The following UBXN2B variants were observed in gnomAD, a reference collection of about 807,000 sequenced individuals.
UBXN2B encodes the protein UBX domain protein 2B.
UBXN2B carries 19 observed loss-of-function variants against 37.5 expected under a neutral mutation model. The ratio of observed to expected loss-of-function variants is 0.51; its 90% CI spans 0.35 to 0.74. UBXN2B has a LOEUF of 0.74. Among genes scored for constraint, UBXN2B ranks in the 30% least tolerant of loss-of-function variants. The pLI is 0.01. For synonymous variants in UBXN2B, 145 were observed against 143.8 expected (o/e 1.01, Z -0.06); for missense variants, 370 against 393.2 (o/e 0.94, Z 0.50).
chr8:58,447,122 A>G (rs933977871), intron 7 of UBXN2B, among the ~76,000 whole-genome samples: 1 of 152,020 alleles, frequency 6.6e-6, no homozygotes, highest in Non-Finnish European at 1.5e-5. Flanking sequence ...TAAAATAACA[A>G]CATTAGTACA....
chr8:58,432,012 G>A (rs1017745583), intron 3 of UBXN2B, among the ~76,000 whole-genome samples: 1 of 152,128 alleles, frequency 6.6e-6, no homozygotes, highest in Non-Finnish European at 1.5e-5. Flanking sequence ...TACATGGTTT[G>A]TAAATATTTT....
chr8:58,432,956 A>T (rs190473357), intron 3 of UBXN2B, among the ~76,000 whole-genome samples: 52 of 152,316 alleles, frequency 3.4e-4, no homozygotes, highest in Admixed American at 7.8e-4. Flanking sequence ...AATGAAACTT[A>T]AATTTTGGTT....
At chr8:58,425,848 G>A in intron 2 of UBXN2B, 1 of 1,166,794 alleles carries the variant, frequency 8.6e-7, no homozygotes, top group Non-Finnish European at 1.3e-6. Flanking sequence ...GTTCCTGACA[G>A]CAAATCATAA....
At chr8:58,420,643 A>G (rs1475525392) in intron 2 of UBXN2B, among the ~76,000 whole-genome samples, 4 of 152,212 alleles carry the variant, frequency 2.6e-5, no homozygotes, top group Non-Finnish European at 4.4e-5. Flanking sequence ...AAGAATTACA[A>G]TTAGGTCACA....
chr8:58,424,687 CGGG>C (rs370686138), intron 2 of UBXN2B: 11 of 1,066,448 alleles, frequency 1.0e-5, no homozygotes, highest in East Asian at 2.7e-5. Flanking sequence ...GAGTACAAGG[CGGG>C]GGGGGGGGCT....
intron 2 of UBXN2B, among the ~76,000 whole-genome samples, chr8:58,424,177 C>A (rs1808010507): frequency 6.7e-6 from 1 of 150,006 alleles, no homozygotes; most frequent in South Asian, 2.1e-4. Context: ...ATCATTTCTT[C>A]TTATCCCCGA....
chr8:58,423,200 C>T (rs896166776), intron 2 of UBXN2B, among the ~76,000 whole-genome samples: 1 of 152,134 alleles, frequency 6.6e-6, no homozygotes, highest in African/African-American at 2.4e-5. Flanking sequence ...TGCTTTTGAG[C>T]TCTTGGGAGC....
chr8:58,443,642 A>C (rs1309304199), intron 6 of UBXN2B, among the ~76,000 whole-genome samples: 2 of 150,936 alleles, frequency 1.3e-5, no homozygotes, highest in African/African-American at 4.9e-5. Flanking sequence ...AAAATCCAAA[A>C]AAAAAAAAAA....
At chr8:58,428,592 T>C (rs756741413) in intron 2 of UBXN2B, among the ~76,000 whole-genome samples, 12 of 152,258 alleles carry the variant, frequency 7.9e-5, no homozygotes, top group African/African-American at 9.6e-5. Flanking sequence ...TGAGTACTAA[T>C]TCTGTACTAC....
Position 58,450,197 on chromosome 8 carries a change from G to A in UBXN2B, c.*2646G>A, listed in dbSNP as rs529765245. The A allele has an allele frequency of 2.0e-5, 3 of 152,224 alleles. No individual in the cohort carries two copies. The highest frequency in any genetic ancestry group is 3.9e-4 in the East Asian group (2 of 5,178). 9.4% of individuals were successfully genotyped at this position (152,224 alleles called of 1,614,324 possible). A position where few individuals can be genotyped will look rare whatever the true frequency, so the allele number is the denominator to read the frequency against. The stretch of plus-strand genomic sequence containing the variant: ...GGCTTTTGCCATTTGAATAGGCCGC[G>A]AATTTCCCAAATCATCAAGTCCTGG... On this transcript the variant is annotated 3_prime_UTR_variant, in exon 8 of 8. Coordinates refer to ENST00000399598, the MANE Select transcript of UBXN2B (RefSeq NM_001077619.2).
At chr8:58,412,715 T>C (rs941117022) in intron 1 of UBXN2B, among the ~76,000 whole-genome samples, 5 of 152,216 alleles carry the variant, frequency 3.3e-5, no homozygotes, top group African/African-American at 4.8e-5. Flanking sequence ...TCCTGCTACT[T>C]AGTAGTTTTG....
At chr8:58,434,360 TATATATATA>T in intron 4 of UBXN2B, 26 bp from the exon 5 acceptor site, 5 of 564,320 alleles carry the variant, frequency 8.9e-6, no homozygotes, top group Non-Finnish European at 1.2e-5. Context: ...TATATATATA[TATATATATA>T]TTTTTTTTTT....
intron 1 of UBXN2B, among the ~76,000 whole-genome samples, chr8:58,415,557 A>T (rs1434773353): frequency 2.0e-5 from 3 of 152,076 alleles, no homozygotes; most frequent in Non-Finnish European, 4.4e-5. Flanking sequence ...TGAAACACTG[A>T]TACAATCATT....
Position 58,415,459 on chromosome 8 carries a change from T to C in UBXN2B, c.85-1391T>C, listed in dbSNP as rs886243997. On this transcript the variant is annotated intron_variant, in intron 1 of 7. Coordinates refer to ENST00000399598, the MANE Select transcript of UBXN2B (RefSeq NM_001077619.2). ...TCTCTCCTCTATCATTTGTTTGTTT[T>C]TTGTTTTGTGTTTTTGGAGGGGATG... Among the ~76,000 whole-genome samples the C allele has an allele frequency of 2.2e-4, 33 of 152,024 alleles. 1 individual carries two copies. Among genetic ancestry groups the C allele is most frequent in the Non-Finnish European group, 4.4e-5 (3 of 67,910 alleles).
chr8:58,425,610 T>C (rs1347333309), intron 2 of UBXN2B: 10 of 1,087,528 alleles, frequency 9.2e-6, no homozygotes, highest in Admixed American at 1.7e-5. Flanking sequence ...CCTGTTGTTG[T>C]AGTGTCTCAA....
At chr8:58,416,811 C>T (rs1807795579) in intron 1 of UBXN2B, 39 bp from the exon 2 acceptor site, 2 of 1,565,378 alleles carry the variant, frequency 1.3e-6, no homozygotes, top group Non-Finnish European at 1.8e-6. Flanking sequence ...AGAGGTTATT[C>T]CTAGTGTTAT....
At chr8:58,446,779 ATTTTTTTTTTTTTTTTTTTTTTTT>A (rs869090698) in intron 7 of UBXN2B, among the ~76,000 whole-genome samples, 7 of 17,386 alleles carry the variant, frequency 4.0e-4, no homozygotes, top group Non-Finnish European at 7.3e-4. Context: ...TACAACCTGC[ATTTTTTTTTTTTTTTTTTTTTTTT>A]TTTTTTTTTT....
chr8:58,445,065 A>T (rs753730482), intron 6 of UBXN2B, among the ~76,000 whole-genome samples: 1 of 152,204 alleles, frequency 6.6e-6, no homozygotes, highest in Non-Finnish European at 1.5e-5. Context: ...AAACTTCAAG[A>T]CTATCAAAAA....
At chr8:58,417,121 C>A (rs1196237720) in intron 2 of UBXN2B, among the ~76,000 whole-genome samples, 168 bp downstream of exon 2, 6 of 152,016 alleles carry the variant, frequency 3.9e-5, no homozygotes, top group African/African-American at 1.5e-4. Flanking sequence ...TGATTAATAT[C>A]ATTTAGGTAC....
Sources: allele counts gnomAD v4.1 joint callset (sites outside exome capture counted in the v4.1 genomes callset), GRCh38; gene constraint gnomAD v4.1.1; transcripts MANE v1.5; gene names NCBI Gene and HGNC (gene_info 2026-07-23, HGNC 2026-07-21).